Variants in FRMD3 observed in about 807,000 individuals in gnomAD.
The protein encoded by FRMD3 is FERM domain-containing protein 3.
FRMD3 carries 33 observed loss-of-function variants against 70.2 expected under a neutral mutation model. The ratio of observed to expected loss-of-function variants is 0.47; its 90% CI spans 0.36 to 0.63. The LOEUF is 0.63. FRMD3 is among the 20% of genes least tolerant of loss of function. FRMD3 has a pLI of 0.00. For synonymous variants in FRMD3, 279 were observed against 255.9 expected, an observed-to-expected ratio of 1.09 and a Z score of -0.86; for missense variants, 632 against 711.4, an observed-to-expected ratio of 0.89 and a Z score of 1.27.
intron 1 of FRMD3, among the ~76,000 whole-genome samples, chr9:83,503,889 A>C (rs1829126060): frequency 6.6e-6 from 1 of 152,206 alleles, no homozygotes; most frequent in South Asian, 2.1e-4. Flanking sequence ...AAGAAGGAAA[A>C]GGAAGATATA....
intron 1 of FRMD3, among the ~76,000 whole-genome samples, chr9:83,429,666 T>C (rs1826914033): frequency 6.6e-6 from 1 of 152,190 alleles, no homozygotes; most frequent in Non-Finnish European, 1.5e-5. Context: ...GAGGCTTCTG[T>C]GAGAATGTGT....
intron 1 of FRMD3, among the ~76,000 whole-genome samples, chr9:83,522,319 C>T (rs946506829): frequency 6.6e-6 from 1 of 152,022 alleles, no homozygotes; most frequent in Non-Finnish European, 1.5e-5. Flanking sequence ...CATGGTGTCG[C>T]CTTAAGCTTT....
rs73648520 is a variant in FRMD3, at chr9:83,260,063, C to T, written c.1196-11547G>A. On this transcript the variant is annotated intron_variant, in intron 13 of 13. Coordinates refer to ENST00000304195, the MANE Select transcript of FRMD3 (RefSeq NM_174938.6). ...AGTTCTATAGTCTTGGACTTTTTAC[C>T]TGCAAAATGGACCAGACCCTCCCCA... Among the ~76,000 whole-genome samples the T allele has an allele frequency of 4.4e-3, 675 of 152,198 alleles. 4 individuals are homozygous for T. The highest frequency in any genetic ancestry group is 0.015 in the African/African-American group (643 of 41,536).
At chr9:83,259,945 A>G (rs1832907696) in intron 13 of FRMD3, among the ~76,000 whole-genome samples, 1 of 152,192 alleles carries the variant, frequency 6.6e-6, no homozygotes, top group South Asian at 2.1e-4. Flanking sequence ...TCTGGAAAAT[A>G]TGATGGAGTG....
chr9:83,507,665 G>A (rs1392792204), intron 1 of FRMD3, among the ~76,000 whole-genome samples: 12 of 112,360 alleles, frequency 1.1e-4, no homozygotes, highest in East Asian at 8.2e-4. Context: ...GCGAAACTCC[G>A]TCTCAAACAA....
intron 1 of FRMD3, among the ~76,000 whole-genome samples, chr9:83,426,509 G>A (rs115760060): frequency 0.012 from 1,828 of 152,366 alleles, 50 homozygotes; most frequent in African/African-American, 0.042. Flanking sequence ...CTGTGTCATC[G>A]TGTCTTTTGG....
At chr9:83,559,215 C>T in the FRMD3 span, among the ~76,000 whole-genome samples, 10 of 152,278 alleles carry the variant, frequency 6.6e-5, no homozygotes, top group South Asian at 2.1e-4. Flanking sequence ...TCCATTGATG[C>T]GGCAAACTTT....
chr9:83,477,035 G>A (rs910115385), intron 1 of FRMD3, among the ~76,000 whole-genome samples: 4 of 152,124 alleles, frequency 2.6e-5, no homozygotes, highest in Non-Finnish European at 5.9e-5. Context: ...ATAATCTGAT[G>A]AATAAAACAA....
intron 3 of FRMD3, among the ~76,000 whole-genome samples, chr9:83,353,224 T>C (rs1449781385): frequency 3.7e-5 from 5 of 135,430 alleles, no homozygotes; most frequent in Admixed American, 2.6e-4. Flanking sequence ...GCCAGAGACC[T>C]GAACTGATGA....
chr9:83,489,905 AG>A (rs1828778146), intron 1 of FRMD3, among the ~76,000 whole-genome samples: 2 of 152,180 alleles, frequency 1.3e-5, no homozygotes. Context: ...TCAGCCTCGA[AG>A]GTCACACACA....
chr9:83,459,482 C>T (rs1036499061), intron 1 of FRMD3, among the ~76,000 whole-genome samples: 20 of 152,228 alleles, frequency 1.3e-4, no homozygotes, highest in African/African-American at 4.6e-4. Context: ...ACATGTACCT[C>T]GCAGCCTCGG....
chr9:83,243,945 G>A (rs1418678240), downstream of FRMD3, among the ~76,000 whole-genome samples: 2 of 152,122 alleles, frequency 1.3e-5, no homozygotes, highest in African/African-American at 2.4e-5. Flanking sequence ...TGACCAACAC[G>A]GAGGAACCCA....
At chr9:83,406,000 G>C (rs182499128) in intron 1 of FRMD3, among the ~76,000 whole-genome samples, 3 of 151,174 alleles carry the variant, frequency 2.0e-5, no homozygotes, top group African/African-American at 7.3e-5. Context: ...TTTTTTTCCA[G>C]CAATTCTATC....
chr9:83,474,674 C>A (rs1828351652), intron 1 of FRMD3, among the ~76,000 whole-genome samples: 3 of 152,002 alleles, frequency 2.0e-5, no homozygotes, highest in Non-Finnish European at 4.4e-5. Context: ...ATTAACATCT[C>A]TTTGAGGGCA....
chr9:83,343,096 G>A, intron 5 of FRMD3, 94 bp downstream of exon 5: 6 of 876,234 alleles, frequency 6.8e-6, no homozygotes, highest in Non-Finnish European at 1.2e-5. Flanking sequence ...CACAGACACA[G>A]GCAGGATGGC....
chr9:83,405,921 C>T (rs1255994806), intron 1 of FRMD3, among the ~76,000 whole-genome samples: 1 of 152,078 alleles, frequency 6.6e-6, no homozygotes, highest in Non-Finnish European at 1.5e-5. Context: ...GAAAATTCTG[C>T]CAATTTTACT....
intron 1 of FRMD3, among the ~76,000 whole-genome samples, chr9:83,436,517 A>G (rs901116770): frequency 3.3e-5 from 5 of 150,012 alleles, no homozygotes; most frequent in Non-Finnish European, 5.9e-5. Context: ...ATCAACTAGC[A>G]AAGAAAATCT....
At chr9:83,326,344 G>A (rs942626934) in intron 6 of FRMD3, among the ~76,000 whole-genome samples, 2 of 152,090 alleles carry the variant, frequency 1.3e-5, no homozygotes, top group African/African-American at 4.8e-5. Context: ...GCAGGATGTC[G>A]AGATATTTAC....
chr9:83,549,928 TGC>T, the FRMD3 span, among the ~76,000 whole-genome samples: 1 of 152,212 alleles, frequency 6.6e-6, no homozygotes, highest in East Asian at 1.9e-4. Flanking sequence ...TAGTTTGTTT[TGC>T]TGTGCAGAAG....
Sources: gnomAD v4.1 joint callset for allele counts (sites outside exome capture counted in the v4.1 genomes callset) on GRCh38, gnomAD v4.1.1 for gene constraint, MANE v1.5 for transcripts, NCBI Gene and HGNC (gene_info 2026-07-23, HGNC 2026-07-21) for gene names.